The following SBNO2 variants were observed in gnomAD, a reference collection of about 807,000 sequenced individuals.
The protein encoded by SBNO2 is protein strawberry notch homolog 2.
Under a neutral mutation model 146.3 loss-of-function variants are expected in SBNO2, and 89 were observed. The observed-to-expected ratio is 0.61, with a 90% CI of 0.51 to 0.73. SBNO2 has a LOEUF of 0.73. SBNO2 is among the 30% of genes least tolerant of loss of function. SBNO2 has a pLI of 0.00. For missense variants in SBNO2, 2,092 were observed against 2,003.7 expected, an observed-to-expected ratio of 1.04 and a Z score of -0.84; for synonymous variants, 1,147 against 892.6, an observed-to-expected ratio of 1.29 and a Z score of -5.08.
rs963171198 is a variant in SBNO2 at position 1,172,780 on chromosome 19, C to CG, written c.-127+1391_-127+1392insC. ...TCTGTAAAACACTCACTGCAACCGC[C>CG]CCCCCCGCCCCGGCAAACTGGCAGC... On this transcript the variant is annotated intron_variant, in intron 1 of 31. Transcript: ENST00000361757. 1.9e-4 allele frequency among the ~76,000 whole-genome samples: 15 copies of CG among 80,508 alleles called. 4 individuals carry two copies. Among genetic ancestry groups the CG allele is most frequent in the African/African-American group, 8.6e-4 (14 of 16,306 alleles). The allele number at this position is 80,508 out of a possible 152,430, so 52.8% of individuals were successfully genotyped here. A position where few individuals can be genotyped will look rare whatever the true frequency, so the allele number is the denominator to read the frequency against.
chr19:1,108,506 G>T lies in SBNO2; in HGVS notation c.3815C>A (p.Pro1272Gln), dbSNP rs1048977910. The change falls in exon 32 of 32, where the codon CCG becomes CAG. Residue 1272 changes from proline (P) to glutamine (Q), a missense_variant. By Grantham distance (76) the Pro-to-Gln change is moderately conservative. Coordinates refer to ENST00000361757, the MANE Select transcript of SBNO2 (RefSeq NM_014963.3). ...SPPAEAFPPP[P>Q]HFSFPAPLSL... ...CAGCGGCGCCGGGAAAGAGAAGTGCGGGGGCGGCGGGAAGGCCTCGGCCGG... is the reference window on the plus strand; with the variant it reads ...CAGCGGCGCCGGGAAAGAGAAGTGCTGGGGCGGCGGGAAGGCCTCGGCCGG... 1.6e-6 allele frequency: 2 copies of T among 1,219,272 alleles called. No individual in the cohort carries two copies. Among genetic ancestry groups the T allele is most frequent in the Non-Finnish European group, 1.0e-6 (1 of 977,166 alleles). 75.5% of individuals were successfully genotyped at this position (1,219,272 alleles called of 1,614,324 possible).
At chr19:1,131,420 TGGGAGGACCTGGC>T (rs1568593745) in intron 4 of SBNO2, among the ~76,000 whole-genome samples, 2 of 63,370 alleles carry the variant, frequency 3.2e-5, no homozygotes. Flanking sequence ...GGTGGGGAGC[TGGGAGGACCTGGC>T]TGGGAGGACC....
At chr19:1,142,315 T>C (rs1335560660) in intron 4 of SBNO2, among the ~76,000 whole-genome samples, 1 of 86,776 alleles carries the variant, frequency 1.2e-5, no homozygotes, top group African/African-American at 4.0e-5. Context: ...CCCCAGGCCG[T>C]GAAGGCTCTC....
chr19:1,148,178 C>T (rs950285806), intron 3 of SBNO2, among the ~76,000 whole-genome samples: 30 of 152,170 alleles, frequency 2.0e-4, no homozygotes, highest in Middle Eastern at 3.4e-3. Flanking sequence ...CAGTGGGAGC[C>T]GGAGGCCTTG....
chr19:1,160,305 G>GGTACATCCAACTTC (rs1360082420), intron 1 of SBNO2, among the ~76,000 whole-genome samples: 3 of 152,304 alleles, frequency 2.0e-5, no homozygotes, highest in Admixed American at 1.3e-4. Flanking sequence ...CCACCCACTG[G>GGTACATCCAACTTC]GTACATCCAA....
chr19:1,109,174 C>G lies in SBNO2; in HGVS notation c.3386G>C (p.Gly1129Ala). 1 of 1,560,216 alleles carries G rather than the reference C, an allele frequency of 6.4e-7. No homozygotes were observed. The highest frequency in any genetic ancestry group is 8.7e-7 in the Non-Finnish European group (1 of 1,153,110). The change falls in exon 30 of 32, where the codon GGC (glycine) becomes GCC (alanine). Residue 1129 changes from glycine to alanine, a missense_variant. Coordinates refer to ENST00000361757, the MANE Select transcript of SBNO2 (RefSeq NM_014963.3). The surrounding 1 kb of genome is among the most constrained non-coding windows in gnomAD (Gnocchi z 4.2). The stretch of plus-strand genomic sequence containing the variant: ...GCAGTGCGTCAGCGACAAAGCGTAG[C>G]CACTCTCCCAGGGCTCCTTGGCCTC... ...AEEAKEPWES[G>A]YALSLTHCSH...
intron 1 of SBNO2, among the ~76,000 whole-genome samples, chr19:1,154,900 C>A (rs1006275829): frequency 6.6e-6 from 1 of 152,182 alleles, no homozygotes; most frequent in African/African-American, 2.4e-5. Flanking sequence ...TCAGGGGCCA[C>A]GCAGAGCTGG....
At chr19:1,171,879 G>A (rs896232091) in intron 1 of SBNO2, among the ~76,000 whole-genome samples, 7 of 152,160 alleles carry the variant, frequency 4.6e-5, no homozygotes, top group African/African-American at 9.7e-5. Flanking sequence ...CCTCTCCTCC[G>A]CACCTGCACA....
At chr19:1,153,536 G>A (rs1273281790) in intron 2 of SBNO2, among the ~76,000 whole-genome samples, 1 of 150,908 alleles carries the variant, frequency 6.6e-6, no homozygotes, top group Non-Finnish European at 1.5e-5. Flanking sequence ...ACCGTGCCAG[G>A]CCTATTTTTC....
chr19:1,160,692 G>A (rs1021410828), intron 1 of SBNO2, among the ~76,000 whole-genome samples: 8 of 152,136 alleles, frequency 5.3e-5, no homozygotes, highest in African/African-American at 1.2e-4. Flanking sequence ...ACCACGGCCC[G>A]GATAATTTGC....
At chr19:1,120,859 G>A (rs1286915450) in intron 11 of SBNO2, among the ~76,000 whole-genome samples, 2 of 148,266 alleles carry the variant, frequency 1.3e-5, no homozygotes, top group African/African-American at 5.0e-5. Flanking sequence ...AGTAGAGACG[G>A]GGTTTCACCA....
chr19:1,158,588 C>T lies in SBNO2; in HGVS notation c.-126-4186G>A, dbSNP rs75817331. On this transcript the variant is annotated intron_variant, in intron 1 of 31. Coordinates refer to ENST00000361757, the MANE Select transcript of SBNO2 (RefSeq NM_014963.3). The surrounding 1 kb of genome is among the most constrained non-coding windows in gnomAD (Gnocchi z 9.9). ...ACACCCGGCAGCATCTCAAGGCCTG[C>T]GCCAGCAAAGGCGGACATGGAGGTC... Among the ~76,000 whole-genome samples, 6 of 152,340 alleles carry T rather than the reference C, an allele frequency of 3.9e-5. No individual in the cohort carries two copies. Among genetic ancestry groups the T allele is most frequent in the African/African-American group, 7.2e-5 (3 of 41,572 alleles).
intron 5 of SBNO2, 72 bp downstream of exon 5, chr19:1,127,532 A>G: frequency 7.0e-7 from 1 of 1,430,626 alleles, no homozygotes; most frequent in Non-Finnish European, 9.7e-7. Context: ...ACCTCACTGG[A>G]CCGTGTGGGT....
At chr19:1,133,814 ACAGCTCCACAC>A (rs1369554668) in intron 4 of SBNO2, among the ~76,000 whole-genome samples, 2 of 152,164 alleles carry the variant, frequency 1.3e-5, no homozygotes, top group African/African-American at 4.8e-5. Flanking sequence ...ACTCCCAGAG[ACAGCTCCACAC>A]CAGCTCCACG....
rs77414169 is a variant in SBNO2, at chr19:1,152,143, G to A, written c.93+2041C>T. On this transcript the variant is annotated intron_variant, in intron 2 of 31. Coordinates refer to ENST00000361757, the MANE Select transcript of SBNO2 (RefSeq NM_014963.3). ...GGGGAGCAAAGCCGGTTACGCGCAC[G>A]GGTGCGCCCCGGCCTGAGCCCTGTG... 9.2e-5 allele frequency among the ~76,000 whole-genome samples: 14 copies of A among 152,328 alleles called. No individual in the cohort carries two copies. The East Asian group carries it at 1.2e-3, about 13-fold the overall frequency.
Position 1,112,056 on chromosome 19 carries a change from G to C in SBNO2, c.2640C>G (p.Thr880=). Residue 880 remains threonine (T), a synonymous_variant, in exon 23 of 32, where the codon ACC becomes ACG. Transcript: ENST00000361757. The surrounding 1 kb of genome is among the most constrained non-coding windows in gnomAD (Gnocchi z 5.9). ...ACTCCGTGGCGCGGCGGTCTCCGTG[G>C]GTCAGGGCCCCCTGCCAGGGGTGGG... The part of the protein sequence containing the change: ...AKRLESLGAL[T]HGDRRATESR... The C allele has an allele frequency of 1.2e-6, 2 of 1,612,494 alleles. No homozygotes were observed. The highest frequency in any genetic ancestry group is 1.7e-6 in the Non-Finnish European group (2 of 1,179,760).
rs187760580 is a variant in SBNO2 at position 1,121,291 on chromosome 19, C to G, written c.1149+848G>C. Among the ~76,000 whole-genome samples, 6 of 152,332 alleles carry G rather than the reference C, an allele frequency of 3.9e-5. No individual in the cohort carries two copies. In the East Asian group the frequency reaches 1.2e-3, roughly 29 times the overall value. Reference sequence around the variant, plus strand: ...AATTAAACGGCCGGCCCTGCCGCCACGTAGCAGCTCAGCGAGGTATGATCT... The same window carrying G: ...AATTAAACGGCCGGCCCTGCCGCCAGGTAGCAGCTCAGCGAGGTATGATCT... On this transcript the variant is annotated intron_variant, in intron 11 of 31. Coordinates refer to ENST00000361757, the MANE Select transcript of SBNO2 (RefSeq NM_014963.3).
intron 1 of SBNO2, among the ~76,000 whole-genome samples, chr19:1,163,490 C>T (rs746548032): frequency 5.9e-5 from 9 of 152,214 alleles, no homozygotes; most frequent in Non-Finnish European, 1.0e-4. Flanking sequence ...GAAGCTCGTC[C>T]AGGGAGGAGG....
chr19:1,172,785 C>A (rs556889622), intron 1 of SBNO2, among the ~76,000 whole-genome samples: 1,692 of 92,356 alleles, frequency 0.018, 348 homozygotes, highest in Non-Finnish European at 0.023. Flanking sequence ...ACCGCCCCCC[C>A]CGCCCCGGCA....
Sources: gnomAD v4.1 joint callset for allele counts (sites outside exome capture counted in the v4.1 genomes callset) on GRCh38, gnomAD v4.1.1 for gene constraint, Gnocchi (gnomAD v3.1) non-coding constraint, MANE v1.5 for transcripts, NCBI Gene and HGNC (gene_info 2026-07-23, HGNC 2026-07-21) for gene names.